WDR72: variants seen among roughly 807,000 people sequenced by gnomAD.
WDR72 encodes the protein WD repeat domain 72, also known as WD repeat-containing protein 72.
A neutral mutation model predicts 124.2 loss-of-function variants in WDR72; 120 were observed. The observed-to-expected ratio is 0.97, with a 90% confidence interval of 0.83 to 1.12. The LOEUF (loss-of-function observed/expected upper bound fraction) is 1.12, where lower values mean the gene tolerates loss of function less well. WDR72 is among the 50% of genes most tolerant of loss of function. The pLI is 0.00. For synonymous variants in WDR72, 452 were observed against 441.7 expected, an observed-to-expected ratio of 1.02 and a Z score of -0.29; for missense variants, 1,387 against 1,278.8, an observed-to-expected ratio of 1.08 and a Z score of -1.29.
intron 13 of WDR72, among the ~76,000 whole-genome samples, chr15:53,691,672 TAGATG>T (rs2016849746): frequency 7.7e-6 from 1 of 129,944 alleles, no homozygotes; most frequent in Non-Finnish European, 1.7e-5. Flanking sequence ...GATAGATAGA[TAGATG>T]TTTAACAAAA....
Position 53,666,168 on chromosome 15 carries a change from C to A in WDR72, c.1766-400G>T, listed in dbSNP as rs545680660. Among the ~76,000 whole-genome samples, 16 of 152,296 alleles carry A rather than the reference C, an allele frequency of 1.1e-4. No individual in the cohort carries two copies. The South Asian group carries it at 3.1e-3, about 30-fold the overall frequency. ...ACAGTGCTTTGCCTGGGTTTCCAGG[C>A]TTGAAATGTTTCTATTGGTAACACA... On this transcript the variant is annotated intron_variant, in intron 13 of 19. Transcript: ENST00000360509.
intron 1 of WDR72, among the ~76,000 whole-genome samples, chr15:53,734,171 T>C (rs143825521): frequency 6.6e-6 from 1 of 150,414 alleles, no homozygotes; most frequent in African/African-American, 2.4e-5. Context: ...CACACACAAA[T>C]ATATACATAA....
chr15:53,693,125 A>G (rs71474848), intron 13 of WDR72, among the ~76,000 whole-genome samples: 5,931 of 152,290 alleles, frequency 0.039, 143 homozygotes, highest in Non-Finnish European at 0.05. Context: ...CCTGATATCT[A>G]CAAAGCGGTG....
chr15:53,517,265 T>C lies in WDR72; in HGVS notation c.*434A>G, dbSNP rs1891515703. 6.1e-6 allele frequency: 1 copy of C among 164,474 alleles called. No homozygotes were observed. Among genetic ancestry groups the C allele is most frequent in the Admixed American group, 6.0e-5 (1 of 16,784 alleles). 10.2% of individuals were successfully genotyped at this position (164,474 alleles called of 1,614,324 possible). A position where few individuals can be genotyped will look rare whatever the true frequency, so the allele number is the denominator to read the frequency against. On this transcript the variant is annotated 3_prime_UTR_variant, in exon 20 of 20. Transcript: ENST00000360509. Reference sequence around the variant, plus strand: ...AGACAAATCAAAGTTGGTAAAATTTTAGATTAAATACCTTGAAGCAGTATT... The same window carrying C: ...AGACAAATCAAAGTTGGTAAAATTTCAGATTAAATACCTTGAAGCAGTATT...
chr15:53,746,428 GATAAAGTTCCTGGTTACAATGC>G, intron 1 of WDR72, among the ~76,000 whole-genome samples: 1 of 152,258 alleles, frequency 6.6e-6, no homozygotes, highest in Admixed American at 6.5e-5. Context: ...AAACACAAAG[GATAAAGTTCCTGGTTACAATGC>G]ATGAATTTTG....
chr15:53,681,419 T>C (rs201973891), intron 13 of WDR72, among the ~76,000 whole-genome samples: 2 of 152,208 alleles, frequency 1.3e-5, no homozygotes, highest in Non-Finnish European at 2.9e-5. Context: ...GCCATCCTGA[T>C]GTGTTTCTTT....
intron 18 of WDR72, among the ~76,000 whole-genome samples, chr15:53,540,581 A>AAG (rs1893042650): frequency 2.0e-5 from 3 of 151,768 alleles, no homozygotes; most frequent in Non-Finnish European, 2.9e-5. Flanking sequence ...GAAAAAAAAA[A>AAG]AAAACAAGAG....
intron 17 of WDR72, among the ~76,000 whole-genome samples, chr15:53,604,872 G>T (rs1208918612): frequency 1.3e-5 from 2 of 152,060 alleles, no homozygotes; most frequent in Admixed American, 1.3e-4. Context: ...GAAAAGGAAC[G>T]CTTATACATT....
At chr15:53,606,972 C>T (rs186119656) in intron 17 of WDR72, among the ~76,000 whole-genome samples, 29 of 152,232 alleles carry the variant, frequency 1.9e-4, no homozygotes, top group South Asian at 4.1e-4. Flanking sequence ...TAGTATATTA[C>T]GAGTTAACTT....
At chr15:53,587,820 T>C (rs1440531684) in intron 18 of WDR72, among the ~76,000 whole-genome samples, 1 of 152,036 alleles carries the variant, frequency 6.6e-6, no homozygotes, top group African/African-American at 2.4e-5. Flanking sequence ...AGGACAGATA[T>C]TCTGCACAAA....
chr15:53,635,239 C>T (rs2014580991), intron 14 of WDR72, among the ~76,000 whole-genome samples: 1 of 152,138 alleles, frequency 6.6e-6, no homozygotes, highest in Non-Finnish European at 1.5e-5. Flanking sequence ...AGCTCTGATG[C>T]CATTTTAACT....
At chr15:53,618,077 A>T (rs1188082983) in intron 14 of WDR72, among the ~76,000 whole-genome samples, 2 of 151,996 alleles carry the variant, frequency 1.3e-5, no homozygotes, top group African/African-American at 4.8e-5. Flanking sequence ...TAAATAATGT[A>T]AATGAACTGT....
At chr15:53,719,296 C>T (rs2140568216) in intron 3 of WDR72, among the ~76,000 whole-genome samples, 1 of 152,154 alleles carries the variant, frequency 6.6e-6, no homozygotes, top group South Asian at 2.1e-4. Context: ...TTCTCAGCCT[C>T]CTCTTCTTCC....
At chr15:53,729,679 GCAA>G (rs1419803386) in intron 2 of WDR72, among the ~76,000 whole-genome samples, 6 of 152,052 alleles carry the variant, frequency 3.9e-5, no homozygotes, top group African/African-American at 1.4e-4. Context: ...GCCTGTGTTT[GCAA>G]ACTCACCTTC....
At chr15:53,535,645 C>T (rs929515880) in intron 18 of WDR72, among the ~76,000 whole-genome samples, 1 of 152,158 alleles carries the variant, frequency 6.6e-6, no homozygotes, top group African/African-American at 2.4e-5. Context: ...AAAAAGTTGT[C>T]CAATTTAGAG....
In WDR72 at chr15:53,672,604, T is replaced by C. The variant is rs115961140; in HGVS notation, c.1766-6836A>G. On this transcript the variant is annotated intron_variant, in intron 13 of 19. Transcript: ENST00000360509. Reference sequence around the variant, plus strand: ...CTGTCTTAAAGCATGACATGTAGTGTGAAGGATGCAGCCTTCAACTGCAGT... The same window carrying C: ...CTGTCTTAAAGCATGACATGTAGTGCGAAGGATGCAGCCTTCAACTGCAGT... 9.6e-3 allele frequency among the ~76,000 whole-genome samples: 1,459 copies of C among 152,248 alleles called. 37 individuals are homozygous for C. The highest frequency in any genetic ancestry group is 0.034 in the African/African-American group (1,402 of 41,534).
At chr15:53,595,541 G>A (rs910354901) in intron 18 of WDR72, among the ~76,000 whole-genome samples, 3 of 152,080 alleles carry the variant, frequency 2.0e-5, no homozygotes, top group South Asian at 2.1e-4. Context: ...CAGAAAATGG[G>A]GCTCTGGGCC....
In WDR72 at chr15:53,705,115, G is replaced by A. The variant is rs1203996885; in HGVS notation, c.1221C>T (p.Val407=). 2 of 1,614,108 alleles carry A rather than the reference G, an allele frequency of 1.2e-6. No homozygotes were observed. The highest frequency in any genetic ancestry group is 1.1e-5 in the South Asian group (1 of 91,070). The change falls in exon 11 of 20, where the codon GTC becomes GTT. Residue 407 remains valine, a synonymous_variant. Transcript: ENST00000360509. The part of the protein sequence containing the change: ...GLKDGAGTAV[V]TSSEYIPSLD... ...GACTTGGAATATACTCTGATGAAGT[G>A]ACTACAGCAGTTCCTGCCCCATCTT...
intron 7 of WDR72, 101 bp from the exon 8 acceptor site, chr15:53,711,582 G>T: frequency 8.2e-7 from 1 of 1,212,496 alleles, no homozygotes; most frequent in Non-Finnish European, 1.2e-6. Flanking sequence ...CATAGTAAGC[G>T]TTAATAACAG....
Sources: gnomAD v4.1 joint callset for allele counts (sites outside exome capture counted in the v4.1 genomes callset) on GRCh38, gnomAD v4.1.1 for gene constraint, MANE v1.5 for transcripts, NCBI Gene and HGNC (gene_info 2026-07-23, HGNC 2026-07-21) for gene names.